The following GTSF1L variants were observed in gnomAD, a reference collection of about 807,000 sequenced individuals.
GTSF1L encodes the protein gametocyte-specific factor 1-like.
A neutral mutation model predicts 1.1 loss-of-function variants in GTSF1L; 1 was observed. The ratio of observed to expected loss-of-function variants is 0.90; its 90% CI spans 0.32 to 4.28. The LOEUF is 4.28. Ranked by LOEUF, GTSF1L falls within the 30% of genes most tolerant of loss-of-function variation. The probability of loss-of-function intolerance (pLI) is 0.17; values close to 1 mark genes in which losing one functional copy is unlikely to be tolerated. For missense variants in GTSF1L, 169 were observed against 181.9 expected (o/e 0.93, Z 0.41); for synonymous variants, 62 against 69.3 (o/e 0.89, Z 0.53).
At position 43,726,783 on chromosome 20, in the gene GTSF1L, G is replaced by T; in HGVS notation, c.-89C>A. The T allele has an allele frequency of 2.0e-6, 2 of 1,009,120 alleles. No individual in the cohort carries two copies. The highest frequency in any genetic ancestry group is 3.0e-6 in the Non-Finnish European group (2 of 674,910). 62.5% of individuals were successfully genotyped at this position (1,009,120 alleles called of 1,614,324 possible). A position where few individuals can be genotyped will look rare whatever the true frequency, so the allele number is the denominator to read the frequency against. ...GCCCTTTTGTAAGAAGGATGGAGTT[G>T]TCCTCTGCCCAGTTTTGGCCCTTGG... On this transcript the variant is annotated 5_prime_UTR_variant, in exon 1 of 1. Coordinates refer to ENST00000373003, the MANE Select transcript of GTSF1L (RefSeq NM_176791.4).
At position 43,726,279 on chromosome 20, in the gene GTSF1L, C is replaced by T. The variant is rs1396647533; in HGVS notation, c.416G>A (p.Ser139Asn). ...NDTKESARET[S>N]PQKILRPGQ ...TCCTGGTCTGAGGATCTTCTGGGGA[C>T]TGGTCTCTCTTGCTGACTCTTTCGT... Residue 139 changes from serine (S) to asparagine (N), a missense_variant, in exon 1 of 1, where the codon AGT becomes AAT. By Grantham distance (46) the Ser-to-Asn change is conservative (BLOSUM62 1). Transcript: ENST00000373003. 2.5e-6 allele frequency: 4 copies of T among 1,613,570 alleles called. No individual in the cohort carries two copies. Among genetic ancestry groups the T allele is most frequent in the South Asian group, 1.1e-5 (1 of 91,028 alleles).
chr20:43,726,476 G>A lies in GTSF1L; in HGVS notation c.219C>T (p.Asp73=), dbSNP rs2068182257. Reference sequence around the variant, plus strand: ...GACTGACTTTCAGAGGGTTCTCGGTGTCCTCTTCTTCCACAGCGCTCCTGT... The same window carrying A: ...GACTGACTTTCAGAGGGTTCTCGGTATCCTCTTCTTCCACAGCGCTCCTGT... ...CVNRSAVEEE[D]TENPLKVSPP... The change falls in exon 1 of 1, where the codon GAC becomes GAT. Residue 73 remains aspartate (D), a synonymous_variant. Transcript: ENST00000373003. 1.9e-6 allele frequency: 3 copies of A among 1,614,120 alleles called. No individual in the cohort carries two copies. In the East Asian group the frequency reaches 6.7e-5, roughly 36 times the overall value.
In GTSF1L at chr20:43,726,231, C is replaced by T. The variant is rs202069873; in HGVS notation, c.*17G>A. The T allele has an allele frequency of 5.5e-5, 86 of 1,576,344 alleles. No homozygotes were observed. Among genetic ancestry groups the T allele is most frequent in the Admixed American group, 1.9e-4 (11 of 57,776 alleles). ...CCATGCATTGATGAGGCGTGTGCTC[C>T]TTCCTCAGCTGGCAGTTTACTGTCC... On this transcript the variant is annotated 3_prime_UTR_variant, in exon 1 of 1. Coordinates refer to ENST00000373003, the MANE Select transcript of GTSF1L (RefSeq NM_176791.4).
Position 43,726,650 on chromosome 20 carries a change from G to T in GTSF1L, c.45C>A (p.His15Gln). Residue 15 changes from histidine to glutamine, a missense_variant, in exon 1 of 1, where the codon CAC becomes CAA. His to Gln is a conservative substitution (Grantham distance 24, BLOSUM62 0). Coordinates refer to ENST00000373003, the MANE Select transcript of GTSF1L (RefSeq NM_176791.4). ...AFEICPYDPH[H>Q]RIPLSRFQYH... Reference sequence around the variant, plus strand: ...ACTGGAATCTGCTGAGTGGGATTCGGTGGTGAGGATCATAAGGGCAAATTT... The same window carrying T: ...ACTGGAATCTGCTGAGTGGGATTCGTTGGTGAGGATCATAAGGGCAAATTT... 6.2e-7 allele frequency: 1 copy of T among 1,605,784 alleles called. No individual in the cohort carries two copies. Among genetic ancestry groups the T allele is most frequent in the East Asian group, 2.2e-5 (1 of 44,820 alleles).
At position 43,726,928 on chromosome 20, in the gene GTSF1L, A is replaced by G. The variant is rs2145744809; in HGVS notation, c.-234T>C. 2 of 442,360 alleles carry G rather than the reference A, an allele frequency of 4.5e-6. No individual in the cohort carries two copies. The highest frequency in any genetic ancestry group is 9.1e-5 in the South Asian group (2 of 22,088). 27.4% of individuals were successfully genotyped at this position (442,360 alleles called of 1,614,324 possible). A position where few individuals can be genotyped will look rare whatever the true frequency, so the allele number is the denominator to read the frequency against. ...ACAGAGAACAGAGTTAGCAAATGGC[A>G]CCCGAGACAGAACTATAGCAGATGC... is the stretch of plus-strand genomic sequence containing the variant. On this transcript the variant is annotated 5_prime_UTR_variant, in exon 1 of 1. Coordinates refer to ENST00000373003, the MANE Select transcript of GTSF1L (RefSeq NM_176791.4).
chr20:43,726,291 G>T lies in GTSF1L; in HGVS notation c.404C>A (p.Ala135Glu). ...VVCENDTKESARETSPQKILR... is the reference protein window; with the variant it reads ...VVCENDTKESERETSPQKILR... ...GATCTTCTGGGGACTGGTCTCTCTT[G>T]CTGACTCTTTCGTGTCATTTTCACA... Residue 135 changes from alanine to glutamate, a missense_variant, in exon 1 of 1, where the codon GCA (alanine) becomes GAA (glutamate). Physicochemically the swap from Ala to Glu is moderately radical, Grantham distance 107 (BLOSUM62 -1). Transcript: ENST00000373003. 6.2e-7 allele frequency: 1 copy of T among 1,614,040 alleles called. No homozygotes were observed. The highest frequency in any genetic ancestry group is 2.2e-5 in the East Asian group (1 of 44,884).
chr20:43,726,816 T>C lies in GTSF1L; in HGVS notation c.-122A>G, dbSNP rs2068186575. ...CCCAGTTTTGGCCCTTGGGATTCTG[T>C]AGGTGACGGTCTTAACTTGTGGTCT... On this transcript the variant is annotated 5_prime_UTR_variant, in exon 1 of 1. Coordinates refer to ENST00000373003, the MANE Select transcript of GTSF1L (RefSeq NM_176791.4). The C allele has an allele frequency of 8.6e-6, 6 of 698,922 alleles. No individual in the cohort carries two copies. Among genetic ancestry groups the C allele is most frequent in the Non-Finnish European group, 1.5e-5 (6 of 406,360 alleles). 43.3% of individuals were successfully genotyped at this position (698,922 alleles called of 1,614,324 possible). A position where few individuals can be genotyped will look rare whatever the true frequency, so the allele number is the denominator to read the frequency against.
rs1214664289 is a variant in GTSF1L, at chr20:43,726,712, GGGT to G, written c.-21_-19del. On this transcript the variant is annotated 5_prime_UTR_variant, in exon 1 of 1. Transcript: ENST00000373003. ...GGCTCCATGAGAAATTCTTGAAGCA[GGGT>G]ATCTCACTGCTAGAGTCTAACGGAA... 25 of 1,526,662 alleles carry G rather than the reference GGGT, an allele frequency of 1.6e-5. No individual in the cohort carries two copies. The highest frequency in any genetic ancestry group is 1.8e-5 in the Non-Finnish European group (20 of 1,131,734). 94.6% of individuals were successfully genotyped at this position (1,526,662 alleles called of 1,614,324 possible). A position where few individuals can be genotyped will look rare whatever the true frequency, so the allele number is the denominator to read the frequency against.
Position 43,726,736 on chromosome 20 carries a change from C to A in GTSF1L, c.-42G>T. 7.1e-7 allele frequency: 1 copy of A among 1,409,084 alleles called. No homozygotes were observed. The highest frequency in any genetic ancestry group is 9.7e-7 in the Non-Finnish European group (1 of 1,033,426). The allele number at this position is 1,409,084 out of a possible 1,614,324, so 87.3% of individuals were successfully genotyped here. Reference sequence around the variant, plus strand: ...AGGGTATCTCACTGCTAGAGTCTAACGGAAATGCTTCTTGTGGAGAAGCCC... The same window carrying A: ...AGGGTATCTCACTGCTAGAGTCTAAAGGAAATGCTTCTTGTGGAGAAGCCC... On this transcript the variant is annotated 5_prime_UTR_variant, in exon 1 of 1. Transcript: ENST00000373003.
chr20:43,726,371 G>A lies in GTSF1L; in HGVS notation c.324C>T (p.Gly108=), dbSNP rs377649892. ...LPSPDIWNVD[G]ANCQHVFVLK... is the part of the protein sequence containing the mutation. ...GGACAAACACATGCTGGCAATTAGC[G>A]CCATCGACATTCCAGATATCGGGGC... Residue 108 remains glycine (G), a synonymous_variant, in exon 1 of 1, where the codon GGC becomes GGT. Transcript: ENST00000373003. The A allele has an allele frequency of 3.3e-4, 528 of 1,613,862 alleles. No individual in the cohort carries two copies. Among genetic ancestry groups the A allele is most frequent in the Admixed American group, 4.7e-4 (28 of 59,974 alleles).
chr20:43,726,632 T>C lies in GTSF1L; in HGVS notation c.63A>G (p.Arg21=). ...TGCACGATGCCAGGTGGTACTGGAATCTGCTGAGTGGGATTCGGTGGTGAG... is the reference window on the plus strand; with the variant it reads ...TGCACGATGCCAGGTGGTACTGGAACCTGCTGAGTGGGATTCGGTGGTGAG... The part of the protein sequence containing the change: ...YDPHHRIPLS[R]FQYHLASCRR... The change falls in exon 1 of 1, where the codon AGA becomes AGG. Residue 21 remains arginine (R), a synonymous_variant. Transcript: ENST00000373003. The C allele has an allele frequency of 6.2e-7, 1 of 1,612,622 alleles. No homozygotes were observed. The highest frequency in any genetic ancestry group is 1.3e-5 in the African/African-American group (1 of 74,876).
In GTSF1L at chr20:43,726,730, G is replaced by A; in HGVS notation, c.-36C>T. Reference sequence around the variant, plus strand: ...TGAAGCAGGGTATCTCACTGCTAGAGTCTAACGGAAATGCTTCTTGTGGAG... The same window carrying A: ...TGAAGCAGGGTATCTCACTGCTAGAATCTAACGGAAATGCTTCTTGTGGAG... On this transcript the variant is annotated 5_prime_UTR_variant, in exon 1 of 1. Coordinates refer to ENST00000373003, the MANE Select transcript of GTSF1L (RefSeq NM_176791.4). 2 of 1,428,842 alleles carry A rather than the reference G, an allele frequency of 1.4e-6. No homozygotes were observed. The highest frequency in any genetic ancestry group is 1.9e-6 in the Non-Finnish European group (2 of 1,050,472). The allele number at this position is 1,428,842 out of a possible 1,614,324, so 88.5% of individuals were successfully genotyped here.
rs745649415 is a variant in GTSF1L, at chr20:43,726,556, C to T, written c.139G>A (p.Ala47Thr). Residue 47 changes from alanine (A) to threonine (T), a missense_variant, in exon 1 of 1, where the codon GCC becomes ACC. Ala to Thr is a moderately conservative substitution (Grantham distance 58, BLOSUM62 0). Transcript: ENST00000373003. The stretch of plus-strand genomic sequence containing the variant: ...TTTTTGATGGGGACCACGTGGCAGG[C>T]GTTGTATTTGCAGGTGGCCATCTTT... ...AKKMATCKYN[A>T]CHVVPIKNLE... The T allele has an allele frequency of 2.4e-5, 38 of 1,613,724 alleles. No homozygotes were observed. Among genetic ancestry groups the T allele is most frequent in the Middle Eastern group, 1.6e-4 (1 of 6,084 alleles).
At position 43,726,760 on chromosome 20, in the gene GTSF1L, C is replaced by A; in HGVS notation, c.-66G>T. ...ACGGAAATGCTTCTTGTGGAGAAGC[C>A]CTTTTGTAAGAAGGATGGAGTTGTC... On this transcript the variant is annotated 5_prime_UTR_variant, in exon 1 of 1. Transcript: ENST00000373003. The A allele has an allele frequency of 4.9e-6, 6 of 1,230,392 alleles. No individual in the cohort carries two copies. The highest frequency in any genetic ancestry group is 6.9e-6 in the Non-Finnish European group (6 of 874,134). The allele number at this position is 1,230,392 out of a possible 1,614,324, so 76.2% of individuals were successfully genotyped here. A position where few individuals can be genotyped will look rare whatever the true frequency, so the allele number is the denominator to read the frequency against.
Position 43,726,526 on chromosome 20 carries a change from C to T in GTSF1L, c.169G>A (p.Glu57Lys), listed in dbSNP as rs371443773. 1 of 1,614,004 alleles carries T rather than the reference C, an allele frequency of 6.2e-7. No homozygotes were observed. Among genetic ancestry groups the T allele is most frequent in the Non-Finnish European group, 8.5e-7 (1 of 1,180,006 alleles). The change falls in exon 1 of 1, where the codon GAG (glutamate) becomes AAG (lysine). Residue 57 changes from glutamate (E) to lysine (K), a missense_variant. Physicochemically the swap from Glu to Lys is moderately conservative, Grantham distance 56 (BLOSUM62 1). Transcript: ENST00000373003. ...TTGACACAAACAGCCTCATGTTCCT[C>T]CAGATTTTTGATGGGGACCACGTGG... ...ACHVVPIKNL[E>K]EHEAVCVNRS...
chr20:43,726,469 T>G lies in GTSF1L; in HGVS notation c.226A>C (p.Asn76His), dbSNP rs769469618. 2.5e-6 allele frequency: 4 copies of G among 1,614,020 alleles called. No homozygotes were observed. In the Admixed American group the frequency reaches 6.7e-5, roughly 27 times the overall value. ...CTAGGAGGACTGACTTTCAGAGGGT[T>G]CTCGGTGTCCTCTTCTTCCACAGCG... ...RSAVEEEDTE[N>H]PLKVSPPSSE... is the part of the protein sequence containing the mutation. Residue 76 changes from asparagine (N) to histidine (H), a missense_variant, in exon 1 of 1, where the codon AAC (asparagine) becomes CAC (histidine). Transcript: ENST00000373003.
chr20:43,726,633 C>A lies in GTSF1L; in HGVS notation c.62G>T (p.Arg21Ile). 1 of 1,612,520 alleles carries A rather than the reference C, an allele frequency of 6.2e-7. No individual in the cohort carries two copies. The part of the protein sequence containing the change: ...YDPHHRIPLS[R>I]FQYHLASCRR... ...GCACGATGCCAGGTGGTACTGGAAT[C>A]TGCTGAGTGGGATTCGGTGGTGAGG... The change falls in exon 1 of 1, where the codon AGA (arginine) becomes ATA (isoleucine). Residue 21 changes from arginine to isoleucine, a missense_variant. Transcript: ENST00000373003.
Position 43,726,782 on chromosome 20 carries a change from T to A in GTSF1L, c.-88A>T. 1 of 1,023,968 alleles carries A rather than the reference T, an allele frequency of 9.8e-7. No individual in the cohort carries two copies. The highest frequency in any genetic ancestry group is 2.4e-5 in the East Asian group (1 of 41,950). 63.4% of individuals were successfully genotyped at this position (1,023,968 alleles called of 1,614,324 possible). A position where few individuals can be genotyped will look rare whatever the true frequency, so the allele number is the denominator to read the frequency against. On this transcript the variant is annotated 5_prime_UTR_variant, in exon 1 of 1. Transcript: ENST00000373003. ...AGCCCTTTTGTAAGAAGGATGGAGT[T>A]GTCCTCTGCCCAGTTTTGGCCCTTG... is the stretch of plus-strand genomic sequence containing the variant.
Position 43,726,727 on chromosome 20 carries a change from A to G in GTSF1L, c.-33T>C, listed in dbSNP as rs1267340477. On this transcript the variant is annotated 5_prime_UTR_variant, in exon 1 of 1. Transcript: ENST00000373003. The stretch of plus-strand genomic sequence containing the variant: ...TCTTGAAGCAGGGTATCTCACTGCT[A>G]GAGTCTAACGGAAATGCTTCTTGTG... 2.8e-6 allele frequency: 4 copies of G among 1,434,268 alleles called. No homozygotes were observed. The highest frequency in any genetic ancestry group is 1.4e-5 in the African/African-American group (1 of 70,024). The allele number at this position is 1,434,268 out of a possible 1,614,324, so 88.8% of individuals were successfully genotyped here. A position where few individuals can be genotyped will look rare whatever the true frequency, so the allele number is the denominator to read the frequency against.
Sources: allele counts gnomAD v4.1 joint callset, GRCh38; gene constraint gnomAD v4.1.1; transcripts MANE v1.5; gene names NCBI Gene and HGNC (gene_info 2026-07-23, HGNC 2026-07-21).